Variants in FMNL2 observed in about 807,000 individuals in gnomAD.
FMNL2 encodes formin-like protein 2.
In FMNL2, 51 loss-of-function variants were observed where a neutral mutation model predicts 130.2. The ratio of observed to expected loss-of-function variants is 0.39; its 90% confidence interval spans 0.31 to 0.49. FMNL2 has a LOEUF of 0.49. Among genes scored for constraint, FMNL2 ranks in the 20% least tolerant of loss-of-function variants. The pLI, the probability that FMNL2 is intolerant of heterozygous loss-of-function variation, is 0.85. For synonymous variants in FMNL2, 465 were observed against 467.1 expected (o/e 1.00, Z 0.06); for missense variants, 977 against 1,316.2 (o/e 0.74, Z 3.99).
intron 25 of FMNL2, among the ~76,000 whole-genome samples, chr2:152,642,776 G>A (rs1295324143): frequency 2.0e-5 from 3 of 152,230 alleles, no homozygotes; most frequent in African/African-American, 7.2e-5. Context: ...GGGAGGGTGA[G>A]GCAGGTGGAT....
chr2:152,356,168 G>A (rs1251665180), intron 1 of FMNL2, among the ~76,000 whole-genome samples: 1 of 152,070 alleles, frequency 6.6e-6, no homozygotes, highest in East Asian at 1.9e-4. Flanking sequence ...ATGAAGTCTC[G>A]CTCTGTCACC....
chr2:152,545,514 T>C (rs561247212), intron 3 of FMNL2, among the ~76,000 whole-genome samples: 1 of 152,326 alleles, frequency 6.6e-6, no homozygotes, highest in Admixed American at 6.5e-5. Flanking sequence ...AAATTAGATA[T>C]CTCTATGAAC....
rs532300590 is a variant in FMNL2 at position 152,463,680 on chromosome 2, T to G, written c.118-58263T>G. Among the ~76,000 whole-genome samples, 4 of 152,320 alleles carry G rather than the reference T, an allele frequency of 2.6e-5. No homozygotes were observed. In the East Asian group the frequency reaches 7.7e-4, roughly 29 times the overall value. ...ATATTGCTACTCATGTGTCTCAAATTTAGGAGCAGTGAGCTTGCCATGCAA... is the reference window on the plus strand; with the variant it reads ...ATATTGCTACTCATGTGTCTCAAATGTAGGAGCAGTGAGCTTGCCATGCAA... On this transcript the variant is annotated intron_variant, in intron 1 of 25. Transcript: ENST00000288670.
chr2:152,587,312 A>T (rs183048211), intron 9 of FMNL2, among the ~76,000 whole-genome samples: 48 of 152,158 alleles, frequency 3.2e-4, no homozygotes, highest in African/African-American at 1.1e-3. Context: ...TCTCTTCTTG[A>T]TGATTGGCCG....
chr2:152,648,036 A>G lies in FMNL2; in HGVS notation c.*131A>G, dbSNP rs1024023290. On this transcript the variant is annotated 3_prime_UTR_variant, in exon 26 of 26. Transcript: ENST00000288670. ...TCTTAAGGGCTCAGATTTAGCAAAC[A>G]CGGAAGAATTTTAAAATGAGCTCTC... The G allele has an allele frequency of 6.2e-6, 5 of 805,230 alleles. No individual in the cohort carries two copies. The Admixed American group carries it at 9.0e-5, about 14-fold the overall frequency. 49.9% of individuals were successfully genotyped at this position (805,230 alleles called of 1,614,324 possible).
At chr2:152,449,733 G>A (rs995084183) in intron 1 of FMNL2, among the ~76,000 whole-genome samples, 4 of 152,048 alleles carry the variant, frequency 2.6e-5, no homozygotes, top group African/African-American at 7.2e-5. Context: ...ACAGACAGTC[G>A]TCAAAAAAAT....
intron 1 of FMNL2, among the ~76,000 whole-genome samples, chr2:152,412,446 T>TATATATA (rs1686344924): frequency 9.7e-6 from 1 of 103,218 alleles, no homozygotes; most frequent in African/African-American, 4.3e-5. Flanking sequence ...TCTGTATATT[T>TATATATA]TATATATATA....
At chr2:152,427,803 A>T (rs1386036277) in intron 1 of FMNL2, among the ~76,000 whole-genome samples, 1 of 152,168 alleles carries the variant, frequency 6.6e-6, no homozygotes, top group East Asian at 1.9e-4. Context: ...GTATGCAGTC[A>T]AGCAGGGCCC....
intron 1 of FMNL2, among the ~76,000 whole-genome samples, chr2:152,487,852 A>T (rs1690919051): frequency 6.7e-6 from 1 of 149,034 alleles, no homozygotes; most frequent in Non-Finnish European, 1.5e-5. Context: ...CAGTGGTGTG[A>T]TCTTGGCTCA....
chr2:152,398,949 G>T (rs558560811), intron 1 of FMNL2, among the ~76,000 whole-genome samples: 7 of 152,198 alleles, frequency 4.6e-5, no homozygotes, highest in Non-Finnish European at 1.0e-4. Flanking sequence ...TTTGAGCTGG[G>T]CATAGAAGGA....
intron 25 of FMNL2, among the ~76,000 whole-genome samples, 185 bp from the exon 26 acceptor site, chr2:152,647,611 G>C (rs1358485700): frequency 6.6e-6 from 1 of 152,140 alleles, no homozygotes; most frequent in Non-Finnish European, 1.5e-5. Context: ...ATCCTGTTTT[G>C]TTTGATTGTA....
intron 6 of FMNL2, among the ~76,000 whole-genome samples, chr2:152,563,581 A>G (rs958684122): frequency 6.6e-6 from 1 of 152,152 alleles, no homozygotes; most frequent in Non-Finnish European, 1.5e-5. Context: ...CATATGGTAC[A>G]TGTTGCTTTT....
At chr2:152,348,818 G>GTTTTT (rs1244621847) in intron 1 of FMNL2, among the ~76,000 whole-genome samples, 873 of 71,904 alleles carry the variant, frequency 0.012, 131 homozygotes, top group African/African-American at 0.027. Context: ...GCTTCTAAGG[G>GTTTTT]TTTTTTTTTT....
At chr2:152,359,802 T>C (rs192155337) in intron 1 of FMNL2, among the ~76,000 whole-genome samples, 2 of 152,334 alleles carry the variant, frequency 1.3e-5, no homozygotes, top group Admixed American at 1.3e-4. Flanking sequence ...AAGAGTTGTT[T>C]TAATCTTCAC....
chr2:152,556,635 T>C lies in FMNL2; in HGVS notation c.360-2105T>C, dbSNP rs189862613. 2.7e-3 allele frequency among the ~76,000 whole-genome samples: 409 copies of C among 152,318 alleles called. 1 individual carries two copies. Among genetic ancestry groups the C allele is most frequent in the Non-Finnish European group, 4.2e-3 (285 of 68,036 alleles). ...CCTTAAAAAAATTTAGTTTTTCTTC[T>C]GTAGGTCACTTGCCTCTTGTCCAAT... On this transcript the variant is annotated intron_variant, in intron 4 of 25. Transcript: ENST00000288670.
chr2:152,474,362 A>G (rs1397161185), intron 1 of FMNL2, among the ~76,000 whole-genome samples: 2 of 152,216 alleles, frequency 1.3e-5, no homozygotes, highest in Non-Finnish European at 2.9e-5. Flanking sequence ...ATTAAATGGA[A>G]AATGAGCTTC....
chr2:152,433,966 G>A (rs990142318), intron 1 of FMNL2, among the ~76,000 whole-genome samples: 6 of 152,112 alleles, frequency 3.9e-5, no homozygotes, highest in African/African-American at 1.2e-4. Flanking sequence ...TATTATTAAC[G>A]TGATAGAGGA....
At chr2:152,367,424 A>T (rs1219145976) in intron 1 of FMNL2, among the ~76,000 whole-genome samples, 1 of 152,138 alleles carries the variant, frequency 6.6e-6, no homozygotes, top group South Asian at 2.1e-4. Flanking sequence ...AAAATGTGGG[A>T]TTATCACATT....
At chr2:152,606,330 G>A (rs2105841260) in intron 9 of FMNL2, among the ~76,000 whole-genome samples, 1 of 152,292 alleles carries the variant, frequency 6.6e-6, no homozygotes, top group Non-Finnish European at 1.5e-5. Context: ...TTTTCTGAAG[G>A]TGAAATGAAT....
Sources: allele counts gnomAD v4.1 joint callset (sites outside exome capture counted in the v4.1 genomes callset), GRCh38; gene constraint gnomAD v4.1.1; transcripts MANE v1.5; gene names NCBI Gene and HGNC (gene_info 2026-07-23, HGNC 2026-07-21).